Variants in DCC observed in about 807,000 individuals in gnomAD.
DCC encodes netrin receptor DCC.
A neutral mutation model predicts 172.5 loss-of-function variants in DCC; 58 were observed. That is an observed-to-expected ratio of 0.34 (90% confidence interval 0.27 to 0.42). DCC has a LOEUF of 0.42. Ranked by LOEUF, DCC falls within the 10% of genes least tolerant of loss-of-function variation. The pLI, the probability that DCC is intolerant of heterozygous loss-of-function variation, is 1.00. For synonymous variants in DCC, 709 were observed against 644.5 expected (o/e 1.10, Z -1.52); for missense variants, 1,740 against 1,791.0 (o/e 0.97, Z 0.51).
At chr18:52,995,405 T>C (rs1200843080) in intron 5 of DCC, among the ~76,000 whole-genome samples, 1 of 152,160 alleles carries the variant, frequency 6.6e-6, no homozygotes, top group Non-Finnish European at 1.5e-5. Context: ...AACTTCATTT[T>C]GAGGCAGTTC....
intron 5 of DCC, among the ~76,000 whole-genome samples, chr18:52,948,831 G>T (rs1212894838): frequency 6.6e-6 from 1 of 152,092 alleles, no homozygotes; most frequent in African/African-American, 2.4e-5. Flanking sequence ...ATATGTTGTT[G>T]TTGTTCACCA....
chr18:53,410,782 A>G (rs1909934552), intron 20 of DCC, 136 bp downstream of exon 20: 5 of 684,512 alleles, frequency 7.3e-6, no homozygotes, highest in Non-Finnish European at 1.1e-5. Flanking sequence ...ATAAATTAAA[A>G]TGTAGCTTTT....
intron 7 of DCC, among the ~76,000 whole-genome samples, chr18:53,074,882 T>C (rs1021315179): frequency 6.6e-6 from 1 of 152,192 alleles, no homozygotes; most frequent in African/African-American, 2.4e-5. Context: ...GCCTAACCTT[T>C]CCAAGTCTCT....
At chr18:53,378,795 C>A (rs571985532) in intron 15 of DCC, among the ~76,000 whole-genome samples, 1 of 152,240 alleles carries the variant, frequency 6.6e-6, no homozygotes, top group South Asian at 2.1e-4. Flanking sequence ...CTTTCTCACA[C>A]TGAGTAGGTG....
intron 12 of DCC, among the ~76,000 whole-genome samples, chr18:53,257,394 A>T (rs569618409): frequency 1.3e-5 from 2 of 152,094 alleles, no homozygotes; most frequent in Non-Finnish European, 2.9e-5. Flanking sequence ...CCCATCAATA[A>T]CTAATTTATT....
intron 1 of DCC, among the ~76,000 whole-genome samples, chr18:52,380,933 A>G (rs1165822383): frequency 6.6e-6 from 1 of 152,108 alleles, no homozygotes; most frequent in Non-Finnish European, 1.5e-5. Flanking sequence ...GCTTACCTAG[A>G]CTTAAAGGAG....
intron 12 of DCC, among the ~76,000 whole-genome samples, chr18:53,237,778 A>C (rs2075141731): frequency 6.6e-6 from 1 of 152,168 alleles, no homozygotes; most frequent in African/African-American, 2.4e-5. Flanking sequence ...AAGTTAAATA[A>C]AAATAACATT....
rs574388384 is a variant in DCC, at chr18:52,411,848, C to G, written c.91+70970C>G. ...AAAATGCTTAAAATATTGGGCTTAC[C>G]TGTCCCCAACCTCATTGTCAAGCCA... On this transcript the variant is annotated intron_variant, in intron 1 of 28. Transcript: ENST00000442544. Among the ~76,000 whole-genome samples, 6 of 152,238 alleles carry G rather than the reference C, an allele frequency of 3.9e-5. No homozygotes were observed. In the East Asian group the frequency reaches 1.2e-3, roughly 30 times the overall value.
At chr18:52,420,994 C>T (rs551392311) in intron 1 of DCC, among the ~76,000 whole-genome samples, 35 of 152,238 alleles carry the variant, frequency 2.3e-4, no homozygotes, top group African/African-American at 7.7e-4. Flanking sequence ...TCAGTGAATT[C>T]AGGACCTTGG....
Position 53,088,925 on chromosome 18 carries a change from G to A in DCC, c.1261+22759G>A, listed in dbSNP as rs112760409. On this transcript the variant is annotated intron_variant, in intron 7 of 28. Transcript: ENST00000442544. The stretch of plus-strand genomic sequence containing the variant: ...TTAACCCAAAACACTTGATTGATAA[G>A]TTTGTGATACTTGATAATATGAATA... Among the ~76,000 whole-genome samples, 1,403 of 152,224 alleles carry A rather than the reference G, an allele frequency of 9.2e-3. 23 individuals are homozygous for A. The highest frequency in any genetic ancestry group is 0.032 in the African/African-American group (1,315 of 41,528).
intron 1 of DCC, among the ~76,000 whole-genome samples, chr18:52,479,303 G>C (rs1270339923): frequency 6.6e-6 from 1 of 152,078 alleles, no homozygotes; most frequent in Non-Finnish European, 1.5e-5. Flanking sequence ...TTGTGTTACT[G>C]CCTGTTAGAA....
intron 1 of DCC, among the ~76,000 whole-genome samples, chr18:52,449,832 G>A (rs903785407): frequency 3.9e-5 from 6 of 151,994 alleles, no homozygotes; most frequent in East Asian, 1.9e-4. Context: ...CTGCACATGC[G>A]CTCTTACCTG....
chr18:52,589,459 T>C (rs760156231), intron 1 of DCC, among the ~76,000 whole-genome samples: 5 of 152,324 alleles, frequency 3.3e-5, no homozygotes, highest in Non-Finnish European at 7.3e-5. Flanking sequence ...TTGGATATTA[T>C]CAGGGTAGAT....
chr18:53,483,296 A>C (rs968562977), intron 25 of DCC, among the ~76,000 whole-genome samples: 1 of 151,876 alleles, frequency 6.6e-6, no homozygotes, highest in African/African-American at 2.4e-5. Flanking sequence ...CTTTGTACTA[A>C]TTACTCTCAA....
At chr18:53,181,550 G>A (rs1016076244) in intron 9 of DCC, among the ~76,000 whole-genome samples, 9 of 151,248 alleles carry the variant, frequency 6.0e-5, no homozygotes, top group Admixed American at 3.3e-4. Flanking sequence ...AATATATTCT[G>A]CTATTTTAAT....
rs145738412 is a variant in DCC at position 52,794,597 on chromosome 18, T to A, written c.412+42223T>A. Among the ~76,000 whole-genome samples the A allele has an allele frequency of 1.2e-3, 183 of 152,194 alleles. 5 individuals carry two copies. In the East Asian group the frequency reaches 0.034, roughly 28 times the overall value. On this transcript the variant is annotated intron_variant, in intron 2 of 28. Coordinates refer to ENST00000442544, the MANE Select transcript of DCC (RefSeq NM_005215.4). Reference sequence around the variant, plus strand: ...GTTGTCTGCAAAGAGGGATGATTGTTCTTTCTTTTTCCAATTTGGATGCCT... The same window carrying A: ...GTTGTCTGCAAAGAGGGATGATTGTACTTTCTTTTTCCAATTTGGATGCCT...
chr18:52,826,096 C>T (rs1180279272), intron 2 of DCC, among the ~76,000 whole-genome samples: 2 of 152,172 alleles, frequency 1.3e-5, no homozygotes, highest in African/African-American at 4.8e-5. Flanking sequence ...CATGACTACC[C>T]TCAAAACATT....
intron 5 of DCC, among the ~76,000 whole-genome samples, chr18:53,004,290 G>A (rs1021353015): frequency 2.6e-5 from 4 of 152,112 alleles, no homozygotes; most frequent in East Asian, 3.9e-4. Context: ...ATAATTTCAC[G>A]TATCAGTTAC....
intron 2 of DCC, among the ~76,000 whole-genome samples, chr18:52,841,681 G>A (rs373751352): frequency 6.6e-6 from 1 of 152,146 alleles, no homozygotes; most frequent in Admixed American, 6.5e-5. Context: ...TTGGTGACCT[G>A]TCCAGACCCA....
Sources: allele counts gnomAD v4.1 joint callset (sites outside exome capture counted in the v4.1 genomes callset), GRCh38; gene constraint gnomAD v4.1.1; transcripts MANE v1.5; gene names NCBI Gene and HGNC (gene_info 2026-07-23, HGNC 2026-07-21).